The following LRWD1 variants were observed in gnomAD, a reference collection of about 807,000 sequenced individuals.
The protein encoded by LRWD1 is leucine rich repeats and WD repeat domain containing 1, also known as leucine-rich repeat and WD repeat-containing protein 1.
LRWD1 carries 76 observed loss-of-function variants against 75.6 expected under a neutral mutation model. That is an observed-to-expected ratio of 1.01 (90% CI 0.84 to 1.22). The LOEUF is 1.22. Ranked by LOEUF, LRWD1 falls within the 50% of genes most tolerant of loss-of-function variation. The pLI is 0.00. For synonymous variants in LRWD1, 487 were observed against 377.0 expected (o/e 1.29, Z -3.38); for missense variants, 917 against 862.0 (o/e 1.06, Z -0.80).
At position 102,467,795 on chromosome 7, in the gene LRWD1, C is replaced by T; in HGVS notation, c.650C>T (p.Pro217Leu). The T allele has an allele frequency of 1.3e-6, 2 of 1,550,964 alleles. No individual in the cohort carries two copies. The highest frequency in any genetic ancestry group is 1.7e-6 in the Non-Finnish European group (2 of 1,147,182). Residue 217 changes from proline (P) to leucine (L), a missense_variant, in exon 5 of 15, where the codon CCA becomes CTA. Coordinates refer to ENST00000292616, the MANE Select transcript of LRWD1 (RefSeq NM_152892.3). ...AAGGCTAACAGCCCAGAGAAGCCCC[C>T]AGAAGCTGGAGCTGCCCACAAGCCC... ...VQKANSPEKP[P>L]EAGAAHKPRA...
Position 102,469,813 on chromosome 7 carries a change from G to C in LRWD1, c.1373G>C (p.Arg458Pro). 6.2e-7 allele frequency: 1 copy of C among 1,607,008 alleles called. No individual in the cohort carries two copies. The highest frequency in any genetic ancestry group is 8.5e-7 in the Non-Finnish European group (1 of 1,177,054). The change falls in exon 11 of 15, where the codon CGC becomes CCC. Residue 458 changes from arginine (R) to proline (P), a missense_variant. Arg to Pro is a moderately radical substitution (Grantham distance 103, BLOSUM62 -2). Coordinates refer to ENST00000292616, the MANE Select transcript of LRWD1 (RefSeq NM_152892.3). ...LCPVASCPDA[R>P]LLAGCEGGCC... ...CCTGTCGCCTCCTGCCCGGACGCCC[G>C]CCTGCTGGCCGGCTGCGAGGGCGGC...
Position 102,467,466 on chromosome 7 carries a change from TC to T in LRWD1, c.561del (p.Phe187LeufsTer8), listed in dbSNP as rs770352778. The T allele has an allele frequency of 6.2e-7, 1 of 1,613,676 alleles. No individual in the cohort carries two copies. The highest frequency in any genetic ancestry group is 1.1e-5 in the South Asian group (1 of 91,076). On this transcript the variant is annotated frameshift_variant, in exon 4 of 15. Transcript: ENST00000292616. LOFTEE classifies it high-confidence loss of function. ...TACGGGCCCGAGTCCCTCAGCGAGT[TC>T]ACCCAGTGGCGGGTATGTCCCTGTC... is the stretch of plus-strand genomic sequence containing the variant. Reference protein sequence around the residue: ...VRYGPESLSEFTQWRVRMISE... With the variant: ...VRYGPESLSEXTQWRVRMISE...
chr7:102,472,750 C>G lies in LRWD1; in HGVS notation c.1749C>G (p.Ser583Arg). The G allele has an allele frequency of 6.2e-7, 1 of 1,613,468 alleles. No homozygotes were observed. Among genetic ancestry groups the G allele is most frequent in the Middle Eastern group, 1.6e-4 (1 of 6,062 alleles). Residue 583 changes from serine to arginine, a missense_variant, in exon 14 of 15, where the codon AGC (serine) becomes AGG (arginine). Coordinates refer to ENST00000292616, the MANE Select transcript of LRWD1 (RefSeq NM_152892.3). ...EEGNVWLYDV[S>R]NILKQPPLLP... ...GCAACGTGTGGCTCTACGACGTCAG[C>G]AACATCCTGAAGCAGCCACCCCTGC...
rs759460734 is a variant in LRWD1, at chr7:102,472,963, G to T, written c.1858G>T (p.Val620Leu). The stretch of plus-strand genomic sequence containing the variant: ...TGGCCAGGTGGTGACCAAGACCATG[G>T]TGAACACAGTGGTGGCCAATGCCTC... ...ALGQVVTKTM[V>L]NTVVANASFT... Residue 620 changes from valine to leucine, a missense_variant, in exon 15 of 15, where the codon GTG becomes TTG. Coordinates refer to ENST00000292616, the MANE Select transcript of LRWD1 (RefSeq NM_152892.3). 6.2e-7 allele frequency: 1 copy of T among 1,614,124 alleles called. No individual in the cohort carries two copies. The highest frequency in any genetic ancestry group is 1.7e-5 in the Admixed American group (1 of 60,020).
Position 102,467,478 on chromosome 7 carries a change from G to T in LRWD1, c.572G>T (p.Arg191Leu), listed in dbSNP as rs768147449. The change falls in exon 4 of 15, where the codon CGG becomes CTG. Residue 191 changes from arginine (R) to leucine (L), a missense_variant and splice_region_variant. Coordinates refer to ENST00000292616, the MANE Select transcript of LRWD1 (RefSeq NM_152892.3). The stretch of plus-strand genomic sequence containing the variant: ...TCCCTCAGCGAGTTCACCCAGTGGC[G>T]GGTATGTCCCTGTCCCAATGTGCAG... The part of the protein sequence containing the change: ...PESLSEFTQW[R>L]VRMISEELVA... 6.2e-6 allele frequency: 10 copies of T among 1,612,570 alleles called. No homozygotes were observed. In the African/African-American group the frequency reaches 1.2e-4, roughly 19 times the overall value.
chr7:102,465,631 A>G lies in LRWD1; in HGVS notation c.81-186A>G. On this transcript the variant is annotated intron_variant, in intron 1 of 14. Transcript: ENST00000292616. ...AGCCCAGGAGTTGGAGGCAGCTGTG[A>G]GCTATGATCGCGCCTAGGCGACTGA... The G allele has an allele frequency of 1.9e-5, 11 of 573,410 alleles. No homozygotes were observed. In the South Asian group the frequency reaches 2.2e-4, roughly 11 times the overall value. The allele number at this position is 573,410 out of a possible 1,614,324, so 35.5% of individuals were successfully genotyped here. A position where few individuals can be genotyped will look rare whatever the true frequency, so the allele number is the denominator to read the frequency against.
Position 102,465,026 on chromosome 7 carries a change from C to A in LRWD1, c.-55C>A, listed in dbSNP as rs957164623. Reference sequence around the variant, plus strand: ...GTGCCGGGCTCCAGGAGACGCAGGGCGACGCCACACGCCGGGGTGGCCGAC... The same window carrying A: ...GTGCCGGGCTCCAGGAGACGCAGGGAGACGCCACACGCCGGGGTGGCCGAC... On this transcript the variant is annotated 5_prime_UTR_variant, in exon 1 of 15. Transcript: ENST00000292616. The A allele has an allele frequency of 4.3e-6, 6 of 1,404,328 alleles. No homozygotes were observed. The highest frequency in any genetic ancestry group is 6.8e-5 in the Admixed American group (2 of 29,416). 87.0% of individuals were successfully genotyped at this position (1,404,328 alleles called of 1,614,324 possible). A position where few individuals can be genotyped will look rare whatever the true frequency, so the allele number is the denominator to read the frequency against.
intron 9 of LRWD1, 132 bp downstream of exon 9, chr7:102,469,194 C>T (rs991701375): frequency 2.5e-5 from 20 of 784,684 alleles, no homozygotes. Flanking sequence ...ACCGCTCCGA[C>T]TCTAGCTTTG....
At position 102,472,982 on chromosome 7, in the gene LRWD1, A is replaced by T. The variant is rs758912423; in HGVS notation, c.1877A>T (p.Asn626Ile). The change falls in exon 15 of 15, where the codon AAT becomes ATT. Residue 626 changes from asparagine (N) to isoleucine (I), a missense_variant. Transcript: ENST00000292616. Reference protein sequence around the residue: ...TKTMVNTVVANASFTYLTALT... With the variant: ...TKTMVNTVVAIASFTYLTALT... ...ACCATGGTGAACACAGTGGTGGCCAATGCCTCCTTCACCTACCTCACCGCC... is the reference window on the plus strand; with the variant it reads ...ACCATGGTGAACACAGTGGTGGCCATTGCCTCCTTCACCTACCTCACCGCC... 6.2e-7 allele frequency: 1 copy of T among 1,614,060 alleles called. No homozygotes were observed. Among genetic ancestry groups the T allele is most frequent in the Non-Finnish European group, 8.5e-7 (1 of 1,180,004 alleles).
Position 102,467,455 on chromosome 7 carries a change from C to A in LRWD1, c.549C>A (p.Ser183=), listed in dbSNP as rs1364221325. Reference sequence around the variant, plus strand: ...GGGATGTCCGCTACGGGCCCGAGTCCCTCAGCGAGTTCACCCAGTGGCGGG... The same window carrying A: ...GGGATGTCCGCTACGGGCCCGAGTCACTCAGCGAGTTCACCCAGTGGCGGG... ...AVRDVRYGPE[S]LSEFTQWRVR... The change falls in exon 4 of 15, where the codon TCC becomes TCA. Residue 183 remains serine, a synonymous_variant. Coordinates refer to ENST00000292616, the MANE Select transcript of LRWD1 (RefSeq NM_152892.3). 6.2e-7 allele frequency: 1 copy of A among 1,613,742 alleles called. No homozygotes were observed. The highest frequency in any genetic ancestry group is 8.5e-7 in the Non-Finnish European group (1 of 1,179,974).
At chr7:102,469,140 C>T in intron 9 of LRWD1, 78 bp downstream of exon 9, 1 of 1,327,552 alleles carries the variant, frequency 7.5e-7, no homozygotes. Flanking sequence ...GCTCCCCTCC[C>T]TGGGATGGCT....
chr7:102,469,416 T>C (rs1798118803), intron 9 of LRWD1, among the ~76,000 whole-genome samples, 158 bp from the exon 10 acceptor site: 1 of 151,988 alleles, frequency 6.6e-6, no homozygotes, highest in African/African-American at 2.4e-5. Context: ...GAAACAGGGA[T>C]TGGGGGCCCA....
At chr7:102,467,295 G>T in intron 3 of LRWD1, 44 bp from the exon 4 acceptor site, 1 of 1,556,952 alleles carries the variant, frequency 6.4e-7, no homozygotes, top group South Asian at 1.2e-5. Flanking sequence ...GGGTCCGGAG[G>T]AGCTGGGGTG....
At chr7:102,467,172 G>GTGTGTGTGTATA (rs767321709) in intron 3 of LRWD1, among the ~76,000 whole-genome samples, 167 bp from the exon 4 acceptor site, 2 of 23,536 alleles carry the variant, frequency 8.5e-5, no homozygotes, top group East Asian at 1.2e-3. Context: ...TGTGTGTGGG[G>GTGTGTGTGTATA]TGTGTGTGTG....
rs1395607947 is a variant in LRWD1, at chr7:102,465,951, G to T, written c.215G>T (p.Arg72Leu). 1.9e-6 allele frequency: 3 copies of T among 1,613,858 alleles called. No individual in the cohort carries two copies. Among genetic ancestry groups the T allele is most frequent in the Non-Finnish European group, 2.5e-6 (3 of 1,180,030 alleles). Residue 72 changes from arginine to leucine, a missense_variant, in exon 2 of 15, where the codon CGT becomes CTT. By Grantham distance (102) the Arg-to-Leu change is moderately radical. Coordinates refer to ENST00000292616, the MANE Select transcript of LRWD1 (RefSeq NM_152892.3). ...GACAACCTGGGCCTGTCCCACCTGC[G>T]TGTCCTCCGCTGCGCCAACAACCAG... ...LPDNLGLSHL[R>L]VLRCANNQLG... is the part of the protein sequence containing the mutation.
At position 102,465,950 on chromosome 7, in the gene LRWD1, C is replaced by T; in HGVS notation, c.214C>T (p.Arg72Cys). The change falls in exon 2 of 15, where the codon CGT becomes TGT. Residue 72 changes from arginine (R) to cysteine (C), a missense_variant. Coordinates refer to ENST00000292616, the MANE Select transcript of LRWD1 (RefSeq NM_152892.3). ...LPDNLGLSHL[R>C]VLRCANNQLG... ...GGACAACCTGGGCCTGTCCCACCTG[C>T]GTGTCCTCCGCTGCGCCAACAACCA... The T allele has an allele frequency of 3.1e-6, 5 of 1,613,872 alleles. No homozygotes were observed. The highest frequency in any genetic ancestry group is 4.2e-6 in the Non-Finnish European group (5 of 1,180,026).
chr7:102,465,095 G>A lies in LRWD1; in HGVS notation c.15G>A (p.Ser5=), dbSNP rs761409338. The change falls in exon 1 of 15, where the codon TCG becomes TCA. Residue 5 remains serine, a synonymous_variant. Transcript: ENST00000292616. MGPL[S]ARLLMQRGRP... ...GCCTCCTCGCCATGGGCCCCCTCTC[G>A]GCGCGGCTGCTAATGCAGCGCGGGC... 2.7e-6 allele frequency: 4 copies of A among 1,500,384 alleles called. No homozygotes were observed. The highest frequency in any genetic ancestry group is 3.5e-6 in the Non-Finnish European group (4 of 1,127,778). 92.9% of individuals were successfully genotyped at this position (1,500,384 alleles called of 1,614,324 possible).
At chr7:102,472,102 C>T (rs544805605) in intron 11 of LRWD1, 116 bp from the exon 12 acceptor site, 7 of 918,762 alleles carry the variant, frequency 7.6e-6, no homozygotes, top group Non-Finnish European at 1.2e-5. Context: ...GTGGCATCTT[C>T]TGTGCAGCCT....
Position 102,465,054 on chromosome 7 carries a change from G to T in LRWD1, c.-27G>T. 1.4e-6 allele frequency: 2 copies of T among 1,470,664 alleles called. No individual in the cohort carries two copies. The highest frequency in any genetic ancestry group is 1.8e-6 in the Non-Finnish European group (2 of 1,112,054). The allele number at this position is 1,470,664 out of a possible 1,614,324, so 91.1% of individuals were successfully genotyped here. ...CGCCACACGCCGGGGTGGCCGACTGGGTCAGCGCGGGCTGCGCCTCCTCGC... is the reference window on the plus strand; with the variant it reads ...CGCCACACGCCGGGGTGGCCGACTGTGTCAGCGCGGGCTGCGCCTCCTCGC... On this transcript the variant is annotated 5_prime_UTR_variant, in exon 1 of 15. Coordinates refer to ENST00000292616, the MANE Select transcript of LRWD1 (RefSeq NM_152892.3).
Sources: gnomAD v4.1 joint callset for allele counts (sites outside exome capture counted in the v4.1 genomes callset) on GRCh38, gnomAD v4.1.1 for gene constraint, MANE v1.5 for transcripts, NCBI Gene and HGNC (gene_info 2026-07-23, HGNC 2026-07-21) for gene names.